Variants in GALNT13 observed in about 807,000 individuals in gnomAD.
The protein encoded by GALNT13 is polypeptide N-acetylgalactosaminyltransferase 13, also known as UDP-GalNAc:polypeptide N-acetylgalactosaminyltransferase 13.
In GALNT13, 28 loss-of-function variants were observed where a neutral mutation model predicts 64.2. That is an observed-to-expected ratio of 0.44 (90% CI 0.32 to 0.60). GALNT13 has a LOEUF of 0.60. GALNT13 is among the 20% of genes least tolerant of loss of function. The pLI, the probability that GALNT13 is intolerant of heterozygous loss-of-function variation, is 0.05. For missense variants in GALNT13, 577 were observed against 669.8 expected (o/e 0.86, Z 1.53); for synonymous variants, 214 against 224.6 (o/e 0.95, Z 0.42).
the GALNT13 span, among the ~76,000 whole-genome samples, chr2:153,075,247 T>C: frequency 3.9e-5 from 6 of 152,184 alleles, no homozygotes; most frequent in African/African-American, 1.4e-4. Context: ...ATCTCAGTAA[T>C]AGGATTGTTA....
chr2:153,498,854 CT>C, the GALNT13 span, among the ~76,000 whole-genome samples: 162 of 146,512 alleles, frequency 1.1e-3, no homozygotes, highest in Admixed American at 1.3e-3. Context: ...TAAGTTCGTT[CT>C]TTTTTTTTTT....
chr2:154,345,699 A>C (rs1219912130), intron 9 of GALNT13, among the ~76,000 whole-genome samples: 1 of 152,052 alleles, frequency 6.6e-6, no homozygotes, highest in Non-Finnish European at 1.5e-5. Context: ...ATAGAAATTC[A>C]GCCTCTTCTG....
At chr2:154,049,525 A>AT (rs898626275) in intron 3 of GALNT13, among the ~76,000 whole-genome samples, 4 of 147,890 alleles carry the variant, frequency 2.7e-5, no homozygotes, top group Non-Finnish European at 6.0e-5. Context: ...TTATATATAT[A>AT]TATATATGTA....
intron 11 of GALNT13, among the ~76,000 whole-genome samples, chr2:154,421,229 C>T (rs1476813502): frequency 6.6e-6 from 1 of 151,998 alleles, no homozygotes; most frequent in Non-Finnish European, 1.5e-5. Context: ...GCACAAAATA[C>T]ATTTTATATT....
rs140712927 is a variant in GALNT13, at chr2:154,353,385, C to T, written c.1157-42606C>T. Among the ~76,000 whole-genome samples, 135 of 152,238 alleles carry T rather than the reference C, an allele frequency of 8.9e-4. 3 individuals carry two copies. In the East Asian group the frequency reaches 0.02, roughly 22 times the overall value. On this transcript the variant is annotated intron_variant, in intron 9 of 12. Coordinates refer to ENST00000392825, the MANE Select transcript of GALNT13 (RefSeq NM_052917.4). ...AAAATGGTTATTACAGTGAAGCAGA[C>T]TAACATATCCATCACCTCACATAGT...
chr2:153,800,053 T>G, the GALNT13 span, among the ~76,000 whole-genome samples: 1 of 80,594 alleles, frequency 1.2e-5, no homozygotes, highest in Non-Finnish European at 2.4e-5. Flanking sequence ...TTGCTCTCTC[T>G]CTCTCTCTCT....
At chr2:153,331,227 T>A in the GALNT13 span, among the ~76,000 whole-genome samples, 6 of 79,498 alleles carry the variant, frequency 7.5e-5, no homozygotes, top group Non-Finnish European at 1.3e-4. Flanking sequence ...TATTGGCCTA[T>A]GTTTTTTTTT....
intron 3 of GALNT13, among the ~76,000 whole-genome samples, chr2:154,026,377 A>G (rs1697966617): frequency 6.6e-6 from 1 of 152,294 alleles, no homozygotes; most frequent in South Asian, 2.1e-4. Context: ...AGTTCAGTAG[A>G]AAGTGTGGAT....
At chr2:153,851,740 A>G in the GALNT13 span, among the ~76,000 whole-genome samples, 1 of 152,272 alleles carries the variant, frequency 6.6e-6, no homozygotes, top group Non-Finnish European at 1.5e-5. Flanking sequence ...CTACATCTAT[A>G]CAAATGAATT....
At chr2:154,373,982 T>C (rs1008419470) in intron 9 of GALNT13, among the ~76,000 whole-genome samples, 1 of 152,216 alleles carries the variant, frequency 6.6e-6, no homozygotes, top group Non-Finnish European at 1.5e-5. Flanking sequence ...TTGCTACAAC[T>C]CCTCAAAGCC....
rs1189153596 is a variant in GALNT13 at position 154,078,092 on chromosome 2, C to G, written c.143-62245C>G. ...TACTCTGCAGTTTTCTAATTATAAT[C>G]AGAAAACAGTTATTAAACAAAGTGA... On this transcript the variant is annotated intron_variant, in intron 3 of 12. Transcript: ENST00000392825. 4.0e-5 allele frequency among the ~76,000 whole-genome samples: 6 copies of G among 151,478 alleles called. No homozygotes were observed. In the East Asian group the frequency reaches 1.2e-3, roughly 29 times the overall value.
At chr2:154,336,830 T>C (rs1320671433) in intron 9 of GALNT13, among the ~76,000 whole-genome samples, 1 of 152,094 alleles carries the variant, frequency 6.6e-6, no homozygotes, top group African/African-American at 2.4e-5. Flanking sequence ...CTCTCTGCAG[T>C]GGGACTTCTT....
At chr2:153,495,353 A>T in the GALNT13 span, among the ~76,000 whole-genome samples, 1 of 152,040 alleles carries the variant, frequency 6.6e-6, no homozygotes, top group Non-Finnish European at 1.5e-5. Flanking sequence ...ACAACAACAA[A>T]ATAAAAAGAC....
intron 9 of GALNT13, among the ~76,000 whole-genome samples, chr2:154,389,565 G>C (rs1698681516): frequency 6.6e-6 from 1 of 152,170 alleles, no homozygotes. Flanking sequence ...TGATTTTAGA[G>C]AGACAGAACT....
the GALNT13 span, among the ~76,000 whole-genome samples, chr2:153,419,914 A>G: frequency 6.6e-6 from 1 of 152,310 alleles, no homozygotes; most frequent in East Asian, 1.9e-4. Flanking sequence ...CTCAAAGTGG[A>G]TTTTAAAAAA....
At chr2:154,078,734 G>T (rs796208299) in intron 3 of GALNT13, among the ~76,000 whole-genome samples, 11 of 151,618 alleles carry the variant, frequency 7.3e-5, no homozygotes, top group African/African-American at 2.7e-4. Flanking sequence ...CTCAATAAAT[G>T]ATAGAGAATT....
At chr2:154,333,243 T>A (rs551678774) in intron 9 of GALNT13, among the ~76,000 whole-genome samples, 1 of 152,180 alleles carries the variant, frequency 6.6e-6, no homozygotes, top group South Asian at 2.1e-4. Flanking sequence ...ATCACTGATA[T>A]TGGAGTTATA....
chr2:153,887,763 G>C (rs537302670), intron 1 of GALNT13, among the ~76,000 whole-genome samples: 1 of 152,028 alleles, frequency 6.6e-6, no homozygotes, highest in South Asian at 2.1e-4. Flanking sequence ...TTAGTTATTT[G>C]ATCTGCTTTG....
chr2:154,029,271 C>G (rs1037003459), intron 3 of GALNT13, among the ~76,000 whole-genome samples: 2 of 151,516 alleles, frequency 1.3e-5, no homozygotes, highest in East Asian at 3.9e-4. Context: ...ACAGGAATCA[C>G]TCCGAGAAAG....
Sources: gnomAD v4.1 joint callset for allele counts (sites outside exome capture counted in the v4.1 genomes callset) on GRCh38, gnomAD v4.1.1 for gene constraint, MANE v1.5 for transcripts, NCBI Gene and HGNC (gene_info 2026-07-23, HGNC 2026-07-21) for gene names.